The following MAML3 variants were observed in gnomAD, a reference collection of about 807,000 sequenced individuals.
MAML3 encodes the protein mastermind like transcriptional coactivator 3.
MAML3 carries 27 observed loss-of-function variants against 101.9 expected under a neutral mutation model. The ratio of observed to expected loss-of-function variants is 0.27; its 90% confidence interval spans 0.20 to 0.37. MAML3 has a LOEUF of 0.37. Among genes scored for constraint, MAML3 ranks in the 10% least tolerant of loss-of-function variants. MAML3 has a pLI of 1.00. For synonymous variants in MAML3, 501 were observed against 555.9 expected (o/e 0.90, Z 1.39); for missense variants, 1,316 against 1,444.9 (o/e 0.91, Z 1.45).
intron 1 of MAML3, among the ~76,000 whole-genome samples, chr4:140,011,865 C>T (rs1028106081): frequency 6.6e-6 from 1 of 152,040 alleles, no homozygotes; most frequent in Admixed American, 6.5e-5. Flanking sequence ...TTTAAACATT[C>T]CACCACTGAA....
intron 2 of MAML3, among the ~76,000 whole-genome samples, chr4:139,820,804 T>C (rs36072602): frequency 0.021 from 3,250 of 152,266 alleles, 64 homozygotes; most frequent in Middle Eastern, 0.058. Flanking sequence ...TCTTTTTTTT[T>C]CCAATTTTTC....
At chr4:140,096,336 G>A (rs187095497) in intron 1 of MAML3, among the ~76,000 whole-genome samples, 1 of 152,266 alleles carries the variant, frequency 6.6e-6, no homozygotes, top group East Asian at 1.9e-4. Context: ...AACAGTTCTC[G>A]ATGAGTCACA....
chr4:140,112,322 C>T (rs1410506487), intron 1 of MAML3, among the ~76,000 whole-genome samples: 1 of 152,154 alleles, frequency 6.6e-6, no homozygotes, highest in Non-Finnish European at 1.5e-5. Context: ...CCATGTTGTA[C>T]TTTCCCTGCC....
At chr4:139,893,959 A>G (rs1040494679) in intron 1 of MAML3, among the ~76,000 whole-genome samples, 5 of 152,070 alleles carry the variant, frequency 3.3e-5, no homozygotes, top group African/African-American at 1.2e-4. Flanking sequence ...CAGAAGACAG[A>G]ATGACAGGGT....
At chr4:140,052,392 G>A (rs1437371840) in intron 1 of MAML3, among the ~76,000 whole-genome samples, 1 of 152,106 alleles carries the variant, frequency 6.6e-6, no homozygotes, top group African/African-American at 2.4e-5. Flanking sequence ...GAACACACCT[G>A]AACACACATC....
At chr4:139,723,554 T>C (rs1476166823) in intron 4 of MAML3, among the ~76,000 whole-genome samples, 2 of 152,124 alleles carry the variant, frequency 1.3e-5, no homozygotes, top group African/African-American at 4.8e-5. Context: ...TCAGGTGAAC[T>C]GCCCGCCTCG....
At chr4:140,075,751 T>C (rs1424506569) in intron 1 of MAML3, among the ~76,000 whole-genome samples, 1 of 151,786 alleles carries the variant, frequency 6.6e-6, no homozygotes, top group African/African-American at 2.4e-5. Flanking sequence ...TTGCCCAGGC[T>C]AGTCTTTTTT....
intron 2 of MAML3, among the ~76,000 whole-genome samples, chr4:139,867,248 C>T (rs1731914263): frequency 6.6e-6 from 1 of 152,078 alleles, no homozygotes; most frequent in African/African-American, 2.4e-5. Flanking sequence ...TCATTGAATC[C>T]CCTGCAAATG....
chr4:139,737,793 G>C (rs559586594), intron 2 of MAML3, among the ~76,000 whole-genome samples: 3 of 152,150 alleles, frequency 2.0e-5, no homozygotes, highest in African/African-American at 7.2e-5. Flanking sequence ...TTGGAGAGGT[G>C]TTTACAATAA....
At chr4:140,018,907 TAA>T (rs1448209902) in intron 1 of MAML3, among the ~76,000 whole-genome samples, 1 of 151,194 alleles carries the variant, frequency 6.6e-6, no homozygotes, top group Admixed American at 6.6e-5. Flanking sequence ...AAACTAGAAA[TAA>T]AAAAGACAAG....
At chr4:140,124,610 C>T (rs1261688786) in intron 1 of MAML3, among the ~76,000 whole-genome samples, 1 of 152,156 alleles carries the variant, frequency 6.6e-6, no homozygotes, top group Non-Finnish European at 1.5e-5. Flanking sequence ...AAAGCTATCA[C>T]AAAATAGAGG....
intron 1 of MAML3, among the ~76,000 whole-genome samples, chr4:140,010,145 A>G (rs904863191): frequency 9.9e-5 from 15 of 152,228 alleles, no homozygotes; most frequent in Non-Finnish European, 1.9e-4. Context: ...GAAAAACGTC[A>G]TTCTTGATTC....
At chr4:139,874,231 C>G (rs1168559698) in intron 2 of MAML3, among the ~76,000 whole-genome samples, 1 of 151,966 alleles carries the variant, frequency 6.6e-6, no homozygotes, top group Non-Finnish European at 1.5e-5. Flanking sequence ...TGGGGAGTGG[C>G]TAGATTATGT....
intron 1 of MAML3, among the ~76,000 whole-genome samples, chr4:139,933,684 G>T (rs1263449350): frequency 6.6e-6 from 1 of 152,216 alleles, no homozygotes; most frequent in Non-Finnish European, 1.5e-5. Flanking sequence ...GATGTTCACA[G>T]TCAGGACAGC....
At chr4:140,014,290 A>G (rs917027558) in intron 1 of MAML3, among the ~76,000 whole-genome samples, 1 of 152,228 alleles carries the variant, frequency 6.6e-6, no homozygotes, top group African/African-American at 2.4e-5. Flanking sequence ...ATGACAAAGC[A>G]CGATAAATGA....
chr4:139,827,027 A>T (rs918326943), intron 2 of MAML3, among the ~76,000 whole-genome samples: 1 of 152,350 alleles, frequency 6.6e-6, no homozygotes, highest in Non-Finnish European at 1.5e-5. Flanking sequence ...GACCATTCAG[A>T]AAAGGATCTG....
intron 1 of MAML3, among the ~76,000 whole-genome samples, chr4:140,109,265 A>G (rs1464262929): frequency 6.6e-6 from 1 of 152,246 alleles, no homozygotes; most frequent in Non-Finnish European, 1.5e-5. Context: ...GATGTAGTCC[A>G]GTATGCATAA....
intron 1 of MAML3, among the ~76,000 whole-genome samples, chr4:139,906,072 G>A (rs1458956002): frequency 2.0e-5 from 3 of 152,056 alleles, no homozygotes; most frequent in Non-Finnish European, 2.9e-5. Context: ...AACTGCTATT[G>A]GTTCAGAGTT....
intron 2 of MAML3, among the ~76,000 whole-genome samples, chr4:139,807,345 A>C (rs1730719944): frequency 6.6e-6 from 1 of 152,152 alleles, no homozygotes; most frequent in Admixed American, 6.5e-5. Flanking sequence ...GACCTTATAG[A>C]TTAAAGCAAA....
Sources: allele counts gnomAD v4.1 joint callset (sites outside exome capture counted in the v4.1 genomes callset), GRCh38; gene constraint gnomAD v4.1.1; transcripts MANE v1.5; gene names NCBI Gene and HGNC (gene_info 2026-07-23, HGNC 2026-07-21).